ZNF366: variants seen among roughly 807,000 people sequenced by gnomAD.
ZNF366 encodes the protein zinc finger protein 366.
Under a neutral mutation model 47.2 loss-of-function variants are expected in ZNF366, and 20 were observed. The observed-to-expected ratio is 0.42, with a 90% CI of 0.30 to 0.62. ZNF366 has a LOEUF of 0.62. ZNF366 is among the 20% of genes least tolerant of loss of function. ZNF366 has a pLI of 0.16. For synonymous variants in ZNF366, 421 were observed against 395.1 expected (o/e 1.07, Z -0.78); for missense variants, 987 against 976.3 (o/e 1.01, Z -0.15).
At chr5:72,455,954 G>A (rs933289918) in intron 3 of ZNF366, among the ~76,000 whole-genome samples, 1 of 152,166 alleles carries the variant, frequency 6.6e-6, no homozygotes, top group Admixed American at 6.5e-5. Context: ...GGAGAGGAGA[G>A]GAGGTGGCGG....
intron 1 of ZNF366, among the ~76,000 whole-genome samples, chr5:72,496,180 T>C (rs753758980): frequency 2.0e-5 from 3 of 152,158 alleles, no homozygotes; most frequent in Non-Finnish European, 2.9e-5. Context: ...TGCGATGTGT[T>C]TTAGAAAATT....
At position 72,462,385 on chromosome 5, in the gene ZNF366, C is replaced by A. The variant is rs181870060; in HGVS notation, c.-14-875G>T. 5.7e-3 allele frequency among the ~76,000 whole-genome samples: 870 copies of A among 152,202 alleles called. 8 individuals carry two copies. The highest frequency in any genetic ancestry group is 0.02 in the Middle Eastern group (6 of 294). On this transcript the variant is annotated intron_variant, in intron 1 of 4. Transcript: ENST00000318442. ...GGCAGGCTTGGTGACTCCTGTGGTG[C>A]CTGACATGTCCCCTGCTGACACAGC...
At chr5:72,496,151 T>C (rs1744107759) in intron 1 of ZNF366, among the ~76,000 whole-genome samples, 1 of 152,124 alleles carries the variant, frequency 6.6e-6, no homozygotes. Context: ...ATACAATTCA[T>C]ATGTTTTAAA....
At chr5:72,477,824 C>T (rs1379929001) in intron 1 of ZNF366, among the ~76,000 whole-genome samples, 1 of 151,994 alleles carries the variant, frequency 6.6e-6, no homozygotes, top group East Asian at 1.9e-4. Context: ...CAGCCAGAGT[C>T]ACCACATAAA....
intron 1 of ZNF366, among the ~76,000 whole-genome samples, chr5:72,463,238 T>C (rs1160593241): frequency 6.6e-6 from 1 of 152,224 alleles, no homozygotes; most frequent in East Asian, 1.9e-4. Context: ...CATGTGTGTC[T>C]TTTTGGGAGG....
At chr5:72,492,924 T>C (rs990699286) in intron 1 of ZNF366, among the ~76,000 whole-genome samples, 2 of 152,206 alleles carry the variant, frequency 1.3e-5, no homozygotes, top group African/African-American at 4.8e-5. Flanking sequence ...CTTAAATGCA[T>C]GTTGTGATAC....
chr5:72,455,598 C>T (rs1743167593), intron 3 of ZNF366, among the ~76,000 whole-genome samples: 1 of 152,206 alleles, frequency 6.6e-6, no homozygotes, highest in South Asian at 2.1e-4. Flanking sequence ...AGGAAACACT[C>T]TTGTGGGGTG....
At chr5:72,475,083 C>G (rs1743646642) in intron 1 of ZNF366, among the ~76,000 whole-genome samples, 1 of 152,158 alleles carries the variant, frequency 6.6e-6, no homozygotes, top group Admixed American at 6.5e-5. Context: ...TTTGAGGAGG[C>G]TCAATGTTGC....
intron 1 of ZNF366, among the ~76,000 whole-genome samples, chr5:72,500,564 A>G (rs934200242): frequency 7.9e-5 from 12 of 152,208 alleles, no homozygotes; most frequent in African/African-American, 2.7e-4. Flanking sequence ...GATCACAGAA[A>G]TCATGCCTAC....
intron 1 of ZNF366, among the ~76,000 whole-genome samples, chr5:72,462,925 G>A (rs1317200172): frequency 6.6e-6 from 1 of 152,226 alleles, no homozygotes; most frequent in Non-Finnish European, 1.5e-5. Context: ...TCCAGTAAGG[G>A]TCAGTTCTAC....
chr5:72,445,675 C>A (rs975911094), intron 4 of ZNF366, among the ~76,000 whole-genome samples: 2 of 152,104 alleles, frequency 1.3e-5, no homozygotes, highest in African/African-American at 4.8e-5. Context: ...ATCATGGCGA[C>A]CAGGTCATGC....
intron 1 of ZNF366, among the ~76,000 whole-genome samples, chr5:72,501,356 TAG>T (rs1744206998): frequency 6.6e-6 from 1 of 152,238 alleles, no homozygotes; most frequent in African/African-American, 2.4e-5. Context: ...TCAATGTTAA[TAG>T]AGAGTGCCTT....
intron 1 of ZNF366, among the ~76,000 whole-genome samples, chr5:72,468,862 C>T (rs911914163): frequency 1.3e-5 from 2 of 152,228 alleles, no homozygotes; most frequent in Middle Eastern, 3.4e-3. Flanking sequence ...AGTTCTCTTC[C>T]CCAACCCTCA....
Position 72,460,149 on chromosome 5 carries a change from AG to A in ZNF366, c.1332+15del. ...TTCCCAAGGCCCCGTCCGCCCCACC[AG>A]AGGCCCCGCAGTACCTTGTGGGTGA... On this transcript the variant is annotated intron_variant, in intron 2 of 4. Coordinates refer to ENST00000318442, the MANE Select transcript of ZNF366 (RefSeq NM_152625.3). The A allele has an allele frequency of 6.2e-7, 1 of 1,610,538 alleles. No individual in the cohort carries two copies. Among genetic ancestry groups the A allele is most frequent in the Non-Finnish European group, 8.5e-7 (1 of 1,177,804 alleles).
intron 1 of ZNF366, among the ~76,000 whole-genome samples, chr5:72,467,875 A>T (rs1362054507): frequency 6.6e-6 from 1 of 152,142 alleles, no homozygotes; most frequent in Non-Finnish European, 1.5e-5. Context: ...AAAAGGTGAG[A>T]GTCAAGGAAA....
intron 1 of ZNF366, among the ~76,000 whole-genome samples, chr5:72,466,357 G>A (rs1561196100): frequency 6.6e-6 from 1 of 152,230 alleles, no homozygotes; most frequent in Non-Finnish European, 1.5e-5. Context: ...TGAATGGGGA[G>A]TTGAAGCAAA....
At position 72,465,518 on chromosome 5, in the gene ZNF366, C is replaced by A. The variant is rs370841339; in HGVS notation, c.-14-4008G>T. Reference sequence around the variant, plus strand: ...CTCAATGTGTACCACCCACATGCTCCGCTCTATTTCTTAAAGTAGATCCAC... The same window carrying A: ...CTCAATGTGTACCACCCACATGCTCAGCTCTATTTCTTAAAGTAGATCCAC... On this transcript the variant is annotated intron_variant, in intron 1 of 4. Coordinates refer to ENST00000318442, the MANE Select transcript of ZNF366 (RefSeq NM_152625.3). Among the ~76,000 whole-genome samples the A allele has an allele frequency of 2.6e-4, 40 of 152,230 alleles. No individual in the cohort carries two copies. The East Asian group carries it at 3.7e-3, about 14-fold the overall frequency.
At chr5:72,464,750 C>A (rs1743396398) in intron 1 of ZNF366, among the ~76,000 whole-genome samples, 1 of 152,038 alleles carries the variant, frequency 6.6e-6, no homozygotes, top group African/African-American at 2.4e-5. Flanking sequence ...AATCAGAAAC[C>A]CAGAAGGTTT....
chr5:72,440,111 C>CG lies in ZNF366; in HGVS notation c.*3644dup, dbSNP rs1742826995. 1 of 152,160 alleles carries CG rather than the reference C, an allele frequency of 6.6e-6. No individual in the cohort carries two copies. The highest frequency in any genetic ancestry group is 1.5e-5 in the Non-Finnish European group (1 of 68,024). 9.4% of individuals were successfully genotyped at this position (152,160 alleles called of 1,614,324 possible). A position where few individuals can be genotyped will look rare whatever the true frequency, so the allele number is the denominator to read the frequency against. ...GTCCAAATATGCGAAGGATTTCAAA[C>CG]GTTAGCTCTGTTATATTTTGTTCCA... On this transcript the variant is annotated 3_prime_UTR_variant, in exon 5 of 5. Transcript: ENST00000318442.
Sources: allele counts gnomAD v4.1 joint callset (sites outside exome capture counted in the v4.1 genomes callset), GRCh38; gene constraint gnomAD v4.1.1; transcripts MANE v1.5; gene names NCBI Gene and HGNC (gene_info 2026-07-23, HGNC 2026-07-21).